Variants in ATOSA observed in about 807,000 individuals in gnomAD.
ATOSA encodes atos homolog protein A.
the ATOSA span, among the ~76,000 whole-genome samples, chr15:52,667,004 T>C: frequency 6.6e-6 from 1 of 151,410 alleles, no homozygotes; most frequent in Non-Finnish European, 1.5e-5. Flanking sequence ...ATATCAAATA[T>C]AAAGGCCCCA....
At chr15:52,706,000 T>G in the ATOSA span, among the ~76,000 whole-genome samples, 1 of 152,198 alleles carries the variant, frequency 6.6e-6, no homozygotes, top group Non-Finnish European at 1.5e-5. Flanking sequence ...TTGGGTCATT[T>G]CCAGTTTTTC....
the ATOSA span, among the ~76,000 whole-genome samples, chr15:52,633,032 A>C: frequency 6.6e-6 from 1 of 152,244 alleles, no homozygotes; most frequent in African/African-American, 2.4e-5. Context: ...AAGTCCAATC[A>C]GAGCAAGTAC....
the ATOSA span, among the ~76,000 whole-genome samples, chr15:52,590,198 G>A: frequency 6.6e-6 from 1 of 152,156 alleles, no homozygotes; most frequent in Non-Finnish European, 1.5e-5. Context: ...CAAGTAAGTG[G>A]AAAACTGAAA....
the ATOSA span, among the ~76,000 whole-genome samples, chr15:52,699,989 T>C: frequency 2.0e-5 from 3 of 152,298 alleles, no homozygotes; most frequent in Admixed American, 2.0e-4. Flanking sequence ...TCCTTAATGC[T>C]CAGAATATGT....
chr15:52,643,973 T>C, the ATOSA span, among the ~76,000 whole-genome samples: 1 of 152,148 alleles, frequency 6.6e-6, no homozygotes, highest in African/African-American at 2.4e-5. Flanking sequence ...AATCTCACCA[T>C]ATATGAAAGT....
chr15:52,699,416 C>T, the ATOSA span, among the ~76,000 whole-genome samples: 2 of 151,890 alleles, frequency 1.3e-5, no homozygotes, highest in African/African-American at 4.8e-5. Context: ...GATGGGTCCT[C>T]CTCCTGGTCC....
the ATOSA span, among the ~76,000 whole-genome samples, chr15:52,638,222 T>C: frequency 6.6e-6 from 1 of 152,188 alleles, no homozygotes; most frequent in African/African-American, 2.4e-5. Flanking sequence ...CTGAAGAAAT[T>C]TTAAAGCAAC....
At chr15:52,611,897 C>T in the ATOSA span, 75 of 902,978 alleles carry the variant, frequency 8.3e-5, no homozygotes, top group African/African-American at 1.1e-3. Context: ...TATTGCAGAG[C>T]TTTGCTCAGA....
chr15:52,597,641 T>C, the ATOSA span, among the ~76,000 whole-genome samples: 3,114 of 152,296 alleles, frequency 0.02, 47 homozygotes, highest in South Asian at 0.061. Flanking sequence ...TTCCAATGGT[T>C]GTATTATGCT....
the ATOSA span, chr15:52,656,712 A>G: frequency 6.6e-6 from 1 of 152,132 alleles, no homozygotes; most frequent in African/African-American, 2.4e-5. Flanking sequence ...CTGGACAAAC[A>G]CTTCATCTAA....
the ATOSA span, chr15:52,610,139 A>G: frequency 3.1e-6 from 5 of 1,613,912 alleles, no homozygotes; most frequent in Admixed American, 6.7e-5. Context: ...TTTGTACCAC[A>G]TTGTTCTGCT....
the ATOSA span, among the ~76,000 whole-genome samples, chr15:52,619,805 T>C: frequency 6.6e-6 from 1 of 151,082 alleles, no homozygotes. Flanking sequence ...CACTCCAGCC[T>C]GGGTGACAGA....
chr15:52,650,072 GT>G, the ATOSA span, among the ~76,000 whole-genome samples: 1 of 152,008 alleles, frequency 6.6e-6, no homozygotes, highest in African/African-American at 2.4e-5. Context: ...CAAAACTTTG[GT>G]TTTTATGGTT....
At chr15:52,668,184 C>T in the ATOSA span, among the ~76,000 whole-genome samples, 1 of 152,280 alleles carries the variant, frequency 6.6e-6, no homozygotes, top group East Asian at 1.9e-4. Flanking sequence ...AAATGTGGTA[C>T]ACACACGTGC....
the ATOSA span, among the ~76,000 whole-genome samples, chr15:52,641,835 C>T: frequency 6.6e-6 from 1 of 152,210 alleles, no homozygotes; most frequent in Non-Finnish European, 1.5e-5. Context: ...AATAGTAACT[C>T]TGCCAAAGGC....
the ATOSA span, chr15:52,593,394 C>G: frequency 3.6e-5 from 20 of 560,716 alleles, 1 homozygote; most frequent in Non-Finnish European, 5.3e-5. Flanking sequence ...TCCTTAAATG[C>G]AAAAGAGGTT....
the ATOSA span, among the ~76,000 whole-genome samples, chr15:52,625,756 T>C: frequency 1.4e-4 from 21 of 152,316 alleles, no homozygotes; most frequent in East Asian, 3.7e-3. Flanking sequence ...GGCTATTAAA[T>C]TGTCATGTAA....
At chr15:52,657,779 T>C in the ATOSA span, 4 of 152,246 alleles carry the variant, frequency 2.6e-5, no homozygotes, top group African/African-American at 9.6e-5. Context: ...TGAACACTTT[T>C]AGTTCTAAGT....
At chr15:52,667,490 G>A in the ATOSA span, among the ~76,000 whole-genome samples, 87,077 of 152,124 alleles carry the variant, frequency 0.57, 28,614 homozygotes, top group Non-Finnish European at 0.74. Context: ...TGCAGTAACT[G>A]TATTGCAGGT....
Sources: allele counts gnomAD v4.1 joint callset (sites outside exome capture counted in the v4.1 genomes callset), GRCh38; gene constraint gnomAD v4.1.1; transcripts MANE v1.5; gene names NCBI Gene and HGNC (gene_info 2026-07-23, HGNC 2026-07-21).